Variants in GRM8 observed in about 807,000 individuals in gnomAD.
The protein encoded by GRM8 is metabotropic glutamate receptor 8.
GRM8 carries 47 observed loss-of-function variants against 87.2 expected under a neutral mutation model. The observed-to-expected ratio is 0.54, with a 90% confidence interval of 0.43 to 0.69. GRM8 has a LOEUF of 0.69. Ranked by LOEUF, GRM8 falls within the 30% of genes least tolerant of loss-of-function variation. The probability of loss-of-function intolerance (pLI) is 0.00; values close to 1 mark genes in which losing one functional copy is unlikely to be tolerated. For synonymous variants in GRM8, 396 were observed against 404.5 expected (o/e 0.98, Z 0.25); for missense variants, 1,019 against 1,139.2 (o/e 0.89, Z 1.52).
intron 3 of GRM8, among the ~76,000 whole-genome samples, chr7:127,088,951 C>T (rs930054337): frequency 1.8e-4 from 28 of 152,168 alleles, no homozygotes; most frequent in African/African-American, 6.5e-4. Context: ...TGGACTTCTG[C>T]GGACACAATT....
intron 3 of GRM8, among the ~76,000 whole-genome samples, chr7:127,012,277 G>A (rs939186787): frequency 6.6e-6 from 1 of 152,066 alleles, no homozygotes; most frequent in East Asian, 1.9e-4. Context: ...TGGTTCTATA[G>A]TTCTACTATA....
rs1455639714 is a variant in GRM8 at position 126,792,793 on chromosome 7, C to T, written c.1157-22728G>A. Reference sequence around the variant, plus strand: ...CTGTGACTATGGGAAACAGAAGTAGCTGCACTTTCTAACAGTTTTGAACAC... The same window carrying T: ...CTGTGACTATGGGAAACAGAAGTAGTTGCACTTTCTAACAGTTTTGAACAC... On this transcript the variant is annotated intron_variant, in intron 6 of 10. Transcript: ENST00000339582. 3.3e-5 allele frequency among the ~76,000 whole-genome samples: 5 copies of T among 152,292 alleles called. No homozygotes were observed. In the East Asian group the frequency reaches 7.7e-4, roughly 24 times the overall value.
chr7:126,858,919 C>T (rs533583334), intron 6 of GRM8, among the ~76,000 whole-genome samples: 41 of 152,252 alleles, frequency 2.7e-4, no homozygotes, highest in African/African-American at 9.6e-4. Context: ...TTACCTGAGG[C>T]CTCTGCCTTG....
At chr7:126,945,118 C>T (rs962441917) in intron 3 of GRM8, among the ~76,000 whole-genome samples, 2 of 151,784 alleles carry the variant, frequency 1.3e-5, no homozygotes, top group African/African-American at 4.8e-5. Flanking sequence ...TAGATGTTTA[C>T]TCTAGGGAAA....
At chr7:126,726,537 C>T (rs1420723925) in intron 7 of GRM8, among the ~76,000 whole-genome samples, 1 of 152,102 alleles carries the variant, frequency 6.6e-6, no homozygotes, top group Non-Finnish European at 1.5e-5. Context: ...CAATTTCTGT[C>T]ACTTACTCCC....
At chr7:126,857,969 AAAGG>A (rs528175563) in intron 6 of GRM8, among the ~76,000 whole-genome samples, 2 of 152,114 alleles carry the variant, frequency 1.3e-5, no homozygotes, top group Non-Finnish European at 1.5e-5. Context: ...AGGAAGGATA[AAAGG>A]AAGGAAGGAA....
intron 7 of GRM8, among the ~76,000 whole-genome samples, chr7:126,691,610 C>T (rs1808823093): frequency 6.6e-6 from 1 of 152,166 alleles, no homozygotes; most frequent in African/African-American, 2.4e-5. Flanking sequence ...TTGCTGTTAT[C>T]ATTAGAGCTG....
chr7:126,774,005 T>C (rs1304855506), intron 6 of GRM8, among the ~76,000 whole-genome samples: 2 of 152,156 alleles, frequency 1.3e-5, no homozygotes, highest in African/African-American at 4.8e-5. Flanking sequence ...TATTCAACTT[T>C]GTACATTTTT....
intron 6 of GRM8, among the ~76,000 whole-genome samples, chr7:126,890,937 C>A (rs1453277752): frequency 1.3e-5 from 2 of 151,966 alleles, no homozygotes; most frequent in Non-Finnish European, 2.9e-5. Context: ...ACTAGTGAGG[C>A]CCCAATTCTC....
intron 3 of GRM8, among the ~76,000 whole-genome samples, chr7:127,053,417 C>A (rs1819671000): frequency 6.6e-6 from 1 of 152,172 alleles, no homozygotes; most frequent in Non-Finnish European, 1.5e-5. Flanking sequence ...TAATGAGATG[C>A]AAGCTAGATT....
chr7:127,246,370 T>C (rs1327122526), intron 1 of GRM8, among the ~76,000 whole-genome samples: 1 of 152,230 alleles, frequency 6.6e-6, no homozygotes, highest in African/African-American at 2.4e-5. Flanking sequence ...ATTTAAAGTA[T>C]AAACAGCTCC....
chr7:126,954,246 G>T (rs1209388585), intron 3 of GRM8, among the ~76,000 whole-genome samples: 1 of 152,160 alleles, frequency 6.6e-6, no homozygotes, highest in African/African-American at 2.4e-5. Flanking sequence ...CTGCTGAGGA[G>T]TTAAAAAGGC....
At chr7:126,492,995 G>A (rs898000527) in intron 9 of GRM8, among the ~76,000 whole-genome samples, 5 of 152,022 alleles carry the variant, frequency 3.3e-5, no homozygotes, top group Admixed American at 2.0e-4. Context: ...AGAAAGCATT[G>A]GGAAAGTTTG....
At chr7:126,985,542 T>A (rs191917614) in intron 3 of GRM8, among the ~76,000 whole-genome samples, 1 of 152,338 alleles carries the variant, frequency 6.6e-6, no homozygotes, top group East Asian at 1.9e-4. Context: ...TTAATTTATA[T>A]GGAAAATAAT....
At chr7:126,908,122 G>A (rs145917117) in intron 3 of GRM8, among the ~76,000 whole-genome samples, 2,051 of 152,250 alleles carry the variant, frequency 0.013, 42 homozygotes, top group African/African-American at 0.046. Flanking sequence ...AAGTGAATCT[G>A]GAGCTAAAGA....
chr7:126,704,951 C>T (rs1175110675), intron 7 of GRM8, among the ~76,000 whole-genome samples: 1 of 152,082 alleles, frequency 6.6e-6, no homozygotes, highest in Non-Finnish European at 1.5e-5. Flanking sequence ...CTCTGTGACC[C>T]ACACCCTATT....
intron 2 of GRM8, among the ~76,000 whole-genome samples, chr7:127,150,490 C>A (rs1828797694): frequency 6.6e-6 from 1 of 152,078 alleles, no homozygotes; most frequent in South Asian, 2.1e-4. Flanking sequence ...AAATTTAAAT[C>A]AAAGCCCTAC....
chr7:126,755,932 T>G (rs950543494), intron 7 of GRM8, among the ~76,000 whole-genome samples: 9 of 152,044 alleles, frequency 5.9e-5, no homozygotes, highest in African/African-American at 2.2e-4. Flanking sequence ...TCCTATGCAG[T>G]AATATTTTCC....
intron 6 of GRM8, among the ~76,000 whole-genome samples, chr7:126,874,286 T>G (rs1365308024): frequency 2.0e-5 from 3 of 152,064 alleles, no homozygotes; most frequent in Non-Finnish European, 2.9e-5. Context: ...ATAATAAATT[T>G]TCTGACACAA....
Sources: allele counts gnomAD v4.1 joint callset (sites outside exome capture counted in the v4.1 genomes callset), GRCh38; gene constraint gnomAD v4.1.1; transcripts MANE v1.5; gene names NCBI Gene and HGNC (gene_info 2026-07-23, HGNC 2026-07-21).